DICER1: variants seen among roughly 807,000 people sequenced by gnomAD.
DICER1 encodes endoribonuclease Dicer.
In DICER1, 43 loss-of-function variants were observed where a neutral mutation model predicts 194.1. That is an observed-to-expected ratio of 0.22 (90% confidence interval 0.17 to 0.29). The LOEUF (loss-of-function observed/expected upper bound fraction) is 0.29, where lower values mean the gene tolerates loss of function less well. DICER1 is among the 10% of genes least tolerant of loss of function. DICER1 has a pLI of 1.00. For synonymous variants in DICER1, 832 were observed against 820.5 expected, an observed-to-expected ratio of 1.01 and a Z score of -0.24; for missense variants, 1,608 against 2,317.0, an observed-to-expected ratio of 0.69 and a Z score of 6.28.
intron 1 of DICER1, among the ~76,000 whole-genome samples, chr14:95,135,827 T>C (rs1347379654): frequency 6.6e-6 from 1 of 152,218 alleles, no homozygotes; most frequent in Non-Finnish European, 1.5e-5. Context: ...ACACTTAGAT[T>C]GTTTCAATAT....
Position 95,111,559 on chromosome 14 carries a change from G to C in DICER1, c.2117-103C>G, listed in dbSNP as rs1891964510. 8 of 1,257,480 alleles carry C rather than the reference G, an allele frequency of 6.4e-6. No homozygotes were observed. The South Asian group carries it at 9.6e-5, about 15-fold the overall frequency. The allele number at this position is 1,257,480 out of a possible 1,614,324, so 77.9% of individuals were successfully genotyped here. A position where few individuals can be genotyped will look rare whatever the true frequency, so the allele number is the denominator to read the frequency against. On this transcript the variant is annotated intron_variant, in intron 13 of 26. Transcript: ENST00000343455. ...GTTAGAAGGACCTGGAAAAGTAATG[G>C]AAACTAAAGCACCTTTGCCTTTTAC...
At chr14:95,097,657 G>A (rs1044044640) in intron 22 of DICER1, among the ~76,000 whole-genome samples, 6 of 152,174 alleles carry the variant, frequency 3.9e-5, no homozygotes, top group East Asian at 1.9e-4. Context: ...GGGGGAAGAC[G>A]AAGGGTGTGC....
Position 95,105,663 on chromosome 14 carries a change from C to A in DICER1, c.3093+15G>T, listed in dbSNP as rs770799184. On this transcript the variant is annotated intron_variant, in intron 19 of 26. Transcript: ENST00000343455. The surrounding 1 kb of genome is among the most constrained non-coding windows in gnomAD (Gnocchi z 4.9). ...AAACAAATACTAAGTTATGCTAGTA[C>A]AATTAACTCATTACCTGTTTATTCT... 1 of 1,528,302 alleles carries A rather than the reference C, an allele frequency of 6.5e-7. No individual in the cohort carries two copies. The highest frequency in any genetic ancestry group is 1.7e-5 in the Admixed American group (1 of 59,924). The allele number at this position is 1,528,302 out of a possible 1,614,324, so 94.7% of individuals were successfully genotyped here.
chr14:95,155,346 T>G (rs971281478), intron 1 of DICER1, among the ~76,000 whole-genome samples: 3 of 152,216 alleles, frequency 2.0e-5, no homozygotes, highest in Non-Finnish European at 4.4e-5. Context: ...CTTTCTCAAA[T>G]GAAACAAGCA....
At position 95,089,297 on chromosome 14, in the gene DICER1, T is replaced by C. The variant is rs1431106973; in HGVS notation, c.*1201A>G. The C allele has an allele frequency of 4.3e-6, 1 of 233,028 alleles. No individual in the cohort carries two copies. 14.4% of individuals were successfully genotyped at this position (233,028 alleles called of 1,614,324 possible). A position where few individuals can be genotyped will look rare whatever the true frequency, so the allele number is the denominator to read the frequency against. On this transcript the variant is annotated 3_prime_UTR_variant, in exon 27 of 27. Coordinates refer to ENST00000343455, the MANE Select transcript of DICER1 (RefSeq NM_177438.3). ...GATGTATCAAAATTACGGCAGTTTA[T>C]CGCAAACGTTAAACTTTCACGGCAT...
chr14:95,098,979 A>G (rs1890610733), intron 22 of DICER1, among the ~76,000 whole-genome samples: 1 of 152,236 alleles, frequency 6.6e-6, no homozygotes, highest in African/African-American at 2.4e-5. Flanking sequence ...TAAAAATATA[A>G]CCTTTGAAAG....
intron 26 of DICER1, 65 bp downstream of exon 26, chr14:95,090,968 CT>C (rs1442858874): frequency 7.0e-7 from 1 of 1,420,414 alleles, no homozygotes; most frequent in Non-Finnish European, 9.9e-7. Flanking sequence ...TTTACAATAT[CT>C]TTGTGAACTT....
chr14:95,124,648 G>A lies in DICER1; in HGVS notation c.924C>T (p.Ala308=), dbSNP rs142397473. 252 of 1,613,250 alleles carry A rather than the reference G, an allele frequency of 1.6e-4. No homozygotes were observed. In the African/African-American group the frequency reaches 2.6e-3, roughly 17 times the overall value. Residue 308 remains alanine, a synonymous_variant, in exon 8 of 27, where the codon GCC becomes GCT. Coordinates refer to ENST00000343455, the MANE Select transcript of DICER1 (RefSeq NM_177438.3). The surrounding 1 kb of genome is among the most constrained non-coding windows in gnomAD (Gnocchi z 4.5). ...ISKQILSDCR[A]VLVVLGPWCA... ...ACCAGGGTCCCAGAACTACCAATAC[G>A]GCACGACAGTCTGATAGTATCTACA...
chr14:95,098,140 G>A (rs1204591373), intron 22 of DICER1, among the ~76,000 whole-genome samples: 1 of 152,142 alleles, frequency 6.6e-6, no homozygotes, highest in Non-Finnish European at 1.5e-5. Flanking sequence ...GTGTGATCCT[G>A]GGCAAAGCCT....
chr14:95,091,498 G>T, intron 24 of DICER1, 133 bp from the exon 25 acceptor site: 9 of 825,696 alleles, frequency 1.1e-5, no homozygotes, highest in Non-Finnish European at 1.6e-5. Context: ...TTTATGGTAT[G>T]CCTACTATAT....
At chr14:95,104,820 C>T (rs777296770) in intron 20 of DICER1, among the ~76,000 whole-genome samples, 3 of 152,142 alleles carry the variant, frequency 2.0e-5, no homozygotes, top group Non-Finnish European at 4.4e-5. Flanking sequence ...AAAGAAAAAA[C>T]AGACTGAAAA....
chr14:95,143,743 T>C (rs1894962266), intron 1 of DICER1, among the ~76,000 whole-genome samples: 1 of 152,218 alleles, frequency 6.6e-6, no homozygotes, highest in Non-Finnish European at 1.5e-5. Context: ...ATAATAACAT[T>C]GTTTTCTTTC....
At chr14:95,095,663 C>T in intron 23 of DICER1, 162 bp downstream of exon 23, 2 of 831,078 alleles carry the variant, frequency 2.4e-6, no homozygotes, top group South Asian at 3.0e-5. Context: ...CCCCAAATAA[C>T]AAGGAAAAGA....
intron 8 of DICER1, among the ~76,000 whole-genome samples, chr14:95,120,631 C>T (rs1050268333): frequency 3.3e-5 from 5 of 152,128 alleles, no homozygotes; most frequent in Admixed American, 1.3e-4. Context: ...CAAAGGGACA[C>T]GGGTGCTAAA....
rs1224131339 is a variant in DICER1, at chr14:95,153,521, CTAA to C, written c.-46+3706_-46+3708del. ...TGTAAAACATTTTCTCCATATATTG[CTAA>C]TGTTATTTAATGTAATAATCCAAAA... On this transcript the variant is annotated intron_variant, in intron 1 of 26. Coordinates refer to ENST00000343455, the MANE Select transcript of DICER1 (RefSeq NM_177438.3). Among the ~76,000 whole-genome samples, 6 of 152,296 alleles carry C rather than the reference CTAA, an allele frequency of 3.9e-5. No individual in the cohort carries two copies. The East Asian group carries it at 7.7e-4, about 20-fold the overall frequency.
intron 17 of DICER1, 108 bp from the exon 18 acceptor site, chr14:95,106,331 T>TGGCCGGGCGCGGTGGCTCACGCCTG: frequency 1.2e-6 from 1 of 863,868 alleles, no homozygotes; most frequent in African/African-American, 1.7e-5. Flanking sequence ...ATTCAAAAGA[T>TGGCCGGGCGCGGTGGCTCACGCCTG]TAAAAATAAG....
chr14:95,106,557 T>C (rs1891446396), intron 17 of DICER1, among the ~76,000 whole-genome samples: 1 of 152,158 alleles, frequency 6.6e-6, no homozygotes, highest in Non-Finnish European at 1.5e-5. Flanking sequence ...GTAAATACTT[T>C]GTATATTACT....
chr14:95,145,001 C>T (rs574043226), intron 1 of DICER1, among the ~76,000 whole-genome samples: 2 of 152,340 alleles, frequency 1.3e-5, no homozygotes, highest in African/African-American at 4.8e-5. Context: ...CGTCTAATCA[C>T]CTTCCCACAG....
intron 1 of DICER1, among the ~76,000 whole-genome samples, chr14:95,154,920 G>C (rs554515544): frequency 6.7e-6 from 1 of 150,268 alleles, no homozygotes; most frequent in Admixed American, 6.6e-5. Context: ...TCATTCACCT[G>C]AACATTTAAG....
Sources: allele counts gnomAD v4.1 joint callset (sites outside exome capture counted in the v4.1 genomes callset), GRCh38; gene constraint gnomAD v4.1.1; non-coding constraint Gnocchi (gnomAD v3.1); transcripts MANE v1.5; gene names NCBI Gene and HGNC (gene_info 2026-07-23, HGNC 2026-07-21).